The following TRPC7 variants were observed in gnomAD, a reference collection of about 807,000 sequenced individuals.
TRPC7 encodes transient receptor potential cation channel subfamily C member 7, also known as short transient receptor potential channel 7.
Under a neutral mutation model 90.1 loss-of-function variants are expected in TRPC7, and 42 were observed. The observed-to-expected ratio is 0.47, with a 90% confidence interval of 0.36 to 0.60. TRPC7 has a LOEUF of 0.60. Ranked by LOEUF, TRPC7 falls within the 20% of genes least tolerant of loss-of-function variation. The probability of loss-of-function intolerance (pLI) is 0.00; values close to 1 mark genes in which losing one functional copy is unlikely to be tolerated. For synonymous variants in TRPC7, 451 were observed against 436.3 expected, an observed-to-expected ratio of 1.03 and a Z score of -0.42; for missense variants, 955 against 1,112.3, an observed-to-expected ratio of 0.86 and a Z score of 2.01.
intron 3 of TRPC7, among the ~76,000 whole-genome samples, chr5:136,276,089 G>A (rs1487111031): frequency 6.6e-6 from 1 of 152,082 alleles, no homozygotes; most frequent in African/African-American, 2.4e-5. Context: ...GTTGCTGCTT[G>A]GCCATTTTTT....
intron 3 of TRPC7, among the ~76,000 whole-genome samples, chr5:136,312,763 C>A (rs142910856): frequency 6.6e-5 from 10 of 152,262 alleles, no homozygotes; most frequent in Admixed American, 2.0e-4. Context: ...TGAAGATAAT[C>A]AAACATTCAT....
chr5:136,275,436 A>T (rs1285115495), intron 3 of TRPC7, among the ~76,000 whole-genome samples: 1 of 152,074 alleles, frequency 6.6e-6, no homozygotes, highest in Non-Finnish European at 1.5e-5. Context: ...AAAAATGCTT[A>T]CAGTGTTTCC....
rs772862309 is a variant in TRPC7, at chr5:136,247,737, TA to T, written c.1580-3del. 1.9e-5 allele frequency: 31 copies of T among 1,610,246 alleles called. No homozygotes were observed. In the African/African-American group the frequency reaches 3.1e-4, roughly 16 times the overall value. On this transcript the variant is annotated splice_region_variant and splice_polypyrimidine_tract_variant and intron_variant, in intron 6 of 11. Coordinates refer to ENST00000513104, the MANE Select transcript of TRPC7 (RefSeq NM_020389.3). This position sits in a 1 kb window ranked among gnomAD's most constrained non-coding sequence, Gnocchi z 4.2. Reference sequence around the variant, plus strand: ...CTGAAGGCCACCACTTGTCCCTGGCTAAAAGAAAACAATCTGGGTTACTCAC... The same window carrying T: ...CTGAAGGCCACCACTTGTCCCTGGCTAAAGAAAACAATCTGGGTTACTCAC...
intron 3 of TRPC7, among the ~76,000 whole-genome samples, chr5:136,307,094 AAATT>A (rs1358677452): frequency 1.0e-4 from 16 of 152,390 alleles, no homozygotes; most frequent in Middle Eastern, 3.4e-3. Context: ...TGATTAAATC[AAATT>A]AATTAACATA....
intron 5 of TRPC7, among the ~76,000 whole-genome samples, chr5:136,262,844 G>A (rs1405937419): frequency 1.3e-5 from 2 of 152,170 alleles, no homozygotes; most frequent in Non-Finnish European, 2.9e-5. Context: ...CCAGTCTGTA[G>A]TGCACGGAGA....
intron 2 of TRPC7, among the ~76,000 whole-genome samples, chr5:136,343,439 A>G (rs1456056057): frequency 6.6e-6 from 1 of 152,150 alleles, no homozygotes; most frequent in African/African-American, 2.4e-5. Context: ...AGGAAATAAG[A>G]TCCTTAATCC....
chr5:136,315,286 C>T (rs1428827893), intron 3 of TRPC7, among the ~76,000 whole-genome samples: 4 of 152,134 alleles, frequency 2.6e-5, no homozygotes, highest in Non-Finnish European at 5.9e-5. Flanking sequence ...TAGGAGCCCT[C>T]GCGGTGACAT....
intron 3 of TRPC7, among the ~76,000 whole-genome samples, chr5:136,305,196 C>G (rs1758570136): frequency 6.6e-6 from 1 of 152,194 alleles, no homozygotes; most frequent in Non-Finnish European, 1.5e-5. Flanking sequence ...CCACACCTGA[C>G]CCCCATGACT....
chr5:136,323,853 T>A (rs974302563), intron 2 of TRPC7, among the ~76,000 whole-genome samples: 1 of 152,196 alleles, frequency 6.6e-6, no homozygotes, highest in South Asian at 2.1e-4. Context: ...CTTGTTCATA[T>A]CTACAAGAAG....
chr5:136,239,405 C>T (rs150112457), intron 7 of TRPC7, among the ~76,000 whole-genome samples: 10 of 152,278 alleles, frequency 6.6e-5, no homozygotes, highest in South Asian at 2.1e-4. Context: ...ATTTCAACAC[C>T]GACCCAGGAT....
At position 136,218,245 on chromosome 5, in the gene TRPC7, CAG is replaced by C. The variant is rs544029113; in HGVS notation, c.2344-1972_2344-1971del. Reference sequence around the variant, plus strand: ...TATATGTATCCCTTTCCATGAGACTCAGTAATGCTGCTTTCACTTTGAGTTGG... The same window carrying C: ...TATATGTATCCCTTTCCATGAGACTCTAATGCTGCTTTCACTTTGAGTTGG... On this transcript the variant is annotated intron_variant, in intron 10 of 11. Coordinates refer to ENST00000513104, the MANE Select transcript of TRPC7 (RefSeq NM_020389.3). Among the ~76,000 whole-genome samples the C allele has an allele frequency of 1.8e-3, 273 of 149,418 alleles. 3 individuals carry two copies. Among genetic ancestry groups the C allele is most frequent in the Non-Finnish European group, 3.2e-3 (216 of 67,586 alleles).
chr5:136,266,088 G>T (rs1000475186), intron 5 of TRPC7, 132 bp downstream of exon 5: 9 of 774,928 alleles, frequency 1.2e-5, no homozygotes, highest in Middle Eastern at 3.6e-4. Flanking sequence ...TGACTTTCTT[G>T]TTGGTCATCC....
At position 136,315,671 on chromosome 5, in the gene TRPC7, A is replaced by G. The variant is rs1397216616; in HGVS notation, c.889T>C (p.Phe297Leu). ...CGGTGGTGGTCGGACCAGACTTGGAAGTTCACATCACCGTTTAAAATTGCT... is the reference window on the plus strand; with the variant it reads ...CGGTGGTGGTCGGACCAGACTTGGAGGTTCACATCACCGTTTAAAATTGCT... ...VEAILNGDVN[F>L]QVWSDHHRPS... is the part of the protein sequence containing the mutation. The change falls in exon 3 of 12, where the codon TTC (phenylalanine) becomes CTC (leucine). Residue 297 changes from phenylalanine (F) to leucine (L), a missense_variant. Phe to Leu is a conservative substitution (Grantham distance 22). Transcript: ENST00000513104. 1.9e-6 allele frequency: 3 copies of G among 1,613,948 alleles called. No homozygotes were observed. Among genetic ancestry groups the G allele is most frequent in the Non-Finnish European group, 2.5e-6 (3 of 1,179,888 alleles).
intron 3 of TRPC7, among the ~76,000 whole-genome samples, chr5:136,306,860 C>T (rs1260449346): frequency 3.3e-5 from 5 of 152,194 alleles, no homozygotes; most frequent in African/African-American, 1.2e-4. Context: ...AAACATTGTT[C>T]TTAACTTCAC....
At chr5:136,323,205 G>T (rs972903433) in intron 2 of TRPC7, among the ~76,000 whole-genome samples, 2 of 152,216 alleles carry the variant, frequency 1.3e-5, no homozygotes, top group Admixed American at 6.5e-5. Flanking sequence ...CTGCTGCCAC[G>T]TGAGACGTGC....
intron 10 of TRPC7, among the ~76,000 whole-genome samples, chr5:136,224,124 G>A (rs998184036): frequency 6.6e-6 from 1 of 152,138 alleles, no homozygotes; most frequent in African/African-American, 2.4e-5. Flanking sequence ...GTGGGAAGGT[G>A]GCACCAGGGG....
intron 10 of TRPC7, among the ~76,000 whole-genome samples, chr5:136,223,349 C>T (rs1042277495): frequency 1.1e-4 from 16 of 152,178 alleles, no homozygotes; most frequent in African/African-American, 3.9e-4. Context: ...CGTGGTGGCT[C>T]ATGCCTGTAA....
chr5:136,342,215 C>A (rs1265038635), intron 2 of TRPC7, among the ~76,000 whole-genome samples: 1 of 152,178 alleles, frequency 6.6e-6, no homozygotes, highest in Non-Finnish European at 1.5e-5. Context: ...TGCCTGGGTC[C>A]TGCATGGTCC....
chr5:136,293,551 G>T (rs1039263477), intron 3 of TRPC7, among the ~76,000 whole-genome samples: 8 of 152,144 alleles, frequency 5.3e-5, no homozygotes, highest in African/African-American at 1.9e-4. Flanking sequence ...TTGCTTCAAA[G>T]AGAATAAAAT....
Sources: allele counts gnomAD v4.1 joint callset (sites outside exome capture counted in the v4.1 genomes callset), GRCh38; gene constraint gnomAD v4.1.1; non-coding constraint Gnocchi (gnomAD v3.1); transcripts MANE v1.5; gene names NCBI Gene and HGNC (gene_info 2026-07-23, HGNC 2026-07-21).